Variants in PTH2R observed in about 807,000 individuals in gnomAD.
The protein encoded by PTH2R is PTH2 receptor.
In PTH2R, 59 loss-of-function variants were observed where a neutral mutation model predicts 60.3. That is an observed-to-expected ratio of 0.98 (90% CI 0.79 to 1.22). The LOEUF is 1.22. Among genes scored for constraint, PTH2R ranks in the 50% most tolerant of loss-of-function variants. The pLI is 0.00. For synonymous variants in PTH2R, 256 were observed against 243.8 expected, an observed-to-expected ratio of 1.05 and a Z score of -0.47; for missense variants, 749 against 682.6, an observed-to-expected ratio of 1.10 and a Z score of -1.08.
intron 9 of PTH2R, among the ~76,000 whole-genome samples, chr2:208,478,033 CTT>C (rs1401638433): frequency 6.6e-6 from 1 of 150,594 alleles, no homozygotes; most frequent in African/African-American, 2.4e-5. Flanking sequence ...GAAACTTCCT[CTT>C]TGTCTTATTC....
chr2:208,445,013 C>T, intron 7 of PTH2R, 126 bp downstream of exon 7: 1 of 1,015,246 alleles, frequency 9.8e-7, no homozygotes, highest in Non-Finnish European at 1.4e-6. Flanking sequence ...TATTTTTTAT[C>T]TCCCTTTTAT....
intron 1 of PTH2R, among the ~76,000 whole-genome samples, chr2:208,427,135 G>A (rs562468829): frequency 2.6e-5 from 4 of 152,232 alleles, no homozygotes; most frequent in Admixed American, 1.3e-4. Context: ...TGAATCAAAT[G>A]TATAGTTCTG....
chr2:208,477,690 T>C lies in PTH2R; in HGVS notation c.982-3380T>C, dbSNP rs193292010. ...AACCATATTTACAAAAAATTCATTC[T>C]ATGTGTTATTGGCTTTAATGTTTAT... is the stretch of plus-strand genomic sequence containing the variant. On this transcript the variant is annotated intron_variant, in intron 9 of 12. Coordinates refer to ENST00000272847, the MANE Select transcript of PTH2R (RefSeq NM_005048.4). 4.6e-3 allele frequency among the ~76,000 whole-genome samples: 695 copies of C among 152,118 alleles called. 7 individuals carry two copies. Among genetic ancestry groups the C allele is most frequent in the African/African-American group, 0.016 (658 of 41,532 alleles).
intron 1 of PTH2R, among the ~76,000 whole-genome samples, chr2:208,413,472 T>C (rs1701581550): frequency 6.6e-6 from 1 of 152,174 alleles, no homozygotes; most frequent in Admixed American, 6.5e-5. Flanking sequence ...GTAAAAATGA[T>C]TCAGTGCTCA....
intron 9 of PTH2R, among the ~76,000 whole-genome samples, chr2:208,471,291 C>T (rs1702874336): frequency 6.6e-6 from 1 of 152,172 alleles, no homozygotes; most frequent in African/African-American, 2.4e-5. Context: ...GAAAATGTCT[C>T]CAGGGCATAT....
At chr2:208,368,810 G>T (rs567963617) in intron 1 of PTH2R, among the ~76,000 whole-genome samples, 4 of 152,262 alleles carry the variant, frequency 2.6e-5, no homozygotes, top group African/African-American at 9.6e-5. Flanking sequence ...GAAGCTCAAG[G>T]TCAGTGCTTT....
intron 9 of PTH2R, among the ~76,000 whole-genome samples, chr2:208,463,259 A>G (rs1392972154): frequency 1.3e-5 from 2 of 151,744 alleles, no homozygotes; most frequent in Admixed American, 1.3e-4. Context: ...AACATGCTAC[A>G]CTGTTCCCAC....
intron 1 of PTH2R, among the ~76,000 whole-genome samples, chr2:208,423,430 T>C (rs1020169066): frequency 6.6e-6 from 1 of 152,206 alleles, no homozygotes; most frequent in Non-Finnish European, 1.5e-5. Context: ...TTGATTCCAT[T>C]GTGGTCTGAG....
intron 1 of PTH2R, among the ~76,000 whole-genome samples, chr2:208,410,149 G>A (rs72988764): frequency 0.078 from 11,892 of 152,174 alleles, 508 homozygotes; most frequent in African/African-American, 0.085. Flanking sequence ...TAGAAAATCA[G>A]AAATCTCTTT....
intron 10 of PTH2R, among the ~76,000 whole-genome samples, 194 bp from the exon 11 acceptor site, chr2:208,488,818 A>G (rs958764892): frequency 2.6e-5 from 4 of 152,328 alleles, no homozygotes; most frequent in East Asian, 3.9e-4. Context: ...TCGACACTGC[A>G]GTAAGCTGTG....
At chr2:208,379,624 C>G (rs1351548965) in intron 1 of PTH2R, among the ~76,000 whole-genome samples, 1 of 123,250 alleles carries the variant, frequency 8.1e-6, no homozygotes, top group Non-Finnish European at 1.9e-5. Context: ...CTTTCGGAGG[C>G]CCAGGTGGGC....
At chr2:208,458,559 A>G (rs1373499233) in intron 8 of PTH2R, among the ~76,000 whole-genome samples, 1 of 152,110 alleles carries the variant, frequency 6.6e-6, no homozygotes, top group Non-Finnish European at 1.5e-5. Context: ...TATTAAGCCC[A>G]GTACCCAATA....
At chr2:208,370,991 C>T (rs997258996) in intron 1 of PTH2R, among the ~76,000 whole-genome samples, 2 of 151,936 alleles carry the variant, frequency 1.3e-5, no homozygotes, top group Non-Finnish European at 2.9e-5. Flanking sequence ...GAGAGAGGGT[C>T]GGGGGGTGCC....
At chr2:208,374,175 A>C (rs565141753) in intron 1 of PTH2R, among the ~76,000 whole-genome samples, 6 of 152,176 alleles carry the variant, frequency 3.9e-5, no homozygotes, top group Middle Eastern at 3.4e-3. Flanking sequence ...TAAATTTAGA[A>C]GACAGACAAG....
Position 208,437,519 on chromosome 2 carries a change from A to AT in PTH2R, c.179-9dup, listed in dbSNP as rs770837638. The AT allele has an allele frequency of 2.8e-4, 430 of 1,547,070 alleles. No homozygotes were observed. The highest frequency in any genetic ancestry group is 4.8e-4 in the South Asian group (39 of 82,014). Reference sequence around the variant, plus strand: ...CATTTTTCTTTGTTTATTTGCTTTAATTTTTTTTTCTCATTAGAAGGTAAT... The same window carrying AT: ...CATTTTTCTTTGTTTATTTGCTTTAATTTTTTTTTTCTCATTAGAAGGTAAT... On this transcript the variant is annotated splice_polypyrimidine_tract_variant and intron_variant, in intron 2 of 12. Coordinates refer to ENST00000272847, the MANE Select transcript of PTH2R (RefSeq NM_005048.4).
At chr2:208,436,141 T>C (rs1171037413) in intron 2 of PTH2R, among the ~76,000 whole-genome samples, 1 of 152,096 alleles carries the variant, frequency 6.6e-6, no homozygotes. Flanking sequence ...AGGAATATAA[T>C]AATAAAATAA....
chr2:208,425,501 G>A (rs1701839380), intron 1 of PTH2R, among the ~76,000 whole-genome samples: 1 of 152,166 alleles, frequency 6.6e-6, no homozygotes, highest in Non-Finnish European at 1.5e-5. Context: ...GCATATAAGT[G>A]GGTATAAATA....
chr2:208,362,491 T>C (rs527521844), intron 1 of PTH2R, among the ~76,000 whole-genome samples: 32 of 152,330 alleles, frequency 2.1e-4, no homozygotes, highest in African/African-American at 7.2e-4. Context: ...AATCATCTAA[T>C]ATAGATGTCT....
intron 1 of PTH2R, among the ~76,000 whole-genome samples, chr2:208,407,504 C>T (rs938334014): frequency 1.3e-5 from 2 of 152,168 alleles, no homozygotes; most frequent in African/African-American, 4.8e-5. Context: ...GGTAATTTAC[C>T]ATCGCTTTTG....
Sources: gnomAD v4.1 joint callset for allele counts (sites outside exome capture counted in the v4.1 genomes callset) on GRCh38, gnomAD v4.1.1 for gene constraint, MANE v1.5 for transcripts, NCBI Gene and HGNC (gene_info 2026-07-23, HGNC 2026-07-21) for gene names.